The following NEK7 variants were observed in gnomAD, a reference collection of about 807,000 sequenced individuals.
NEK7 encodes the protein NIMA related kinase 7.
In NEK7, 18 loss-of-function variants were observed where a neutral mutation model predicts 44.6. That is an observed-to-expected ratio of 0.40 (90% CI 0.28 to 0.60). NEK7 has a LOEUF of 0.60. Among genes scored for constraint, NEK7 ranks in the 20% least tolerant of loss-of-function variants. The pLI is 0.38. For synonymous variants in NEK7, 130 were observed against 121.1 expected (o/e 1.07, Z -0.48); for missense variants, 256 against 366.5 (o/e 0.70, Z 2.46).
chr1:198,315,035 G>C (rs1478848290), intron 9 of NEK7, among the ~76,000 whole-genome samples: 1 of 152,212 alleles, frequency 6.6e-6, no homozygotes, highest in East Asian at 1.9e-4. Context: ...CCCCAGCCTC[G>C]CCGCCACCTT....
intron 6 of NEK7, 37 bp from the exon 7 acceptor site, chr1:198,278,917 C>A: frequency 9.1e-7 from 1 of 1,096,956 alleles, no homozygotes; most frequent in South Asian, 1.4e-5. Flanking sequence ...TCTAAAATGT[C>A]TATCATCTTT....
chr1:198,178,422 C>T (rs1306772779), intron 1 of NEK7, among the ~76,000 whole-genome samples: 1 of 151,958 alleles, frequency 6.6e-6, no homozygotes, highest in Non-Finnish European at 1.5e-5. Context: ...AAAAATTTGG[C>T]CCAAAGGATG....
chr1:198,224,964 G>C (rs1052530527), intron 1 of NEK7, among the ~76,000 whole-genome samples: 1 of 152,132 alleles, frequency 6.6e-6, no homozygotes. Context: ...ACAGTTGGAT[G>C]TAGGCGTTTA....
intron 9 of NEK7, among the ~76,000 whole-genome samples, chr1:198,316,991 A>G (rs908056924): frequency 6.6e-6 from 1 of 152,212 alleles, no homozygotes; most frequent in African/African-American, 2.4e-5. Flanking sequence ...ATGTTGCTGG[A>G]GTGGATAAGT....
intron 3 of NEK7, among the ~76,000 whole-genome samples, chr1:198,254,081 T>C (rs114569392): frequency 6.6e-6 from 1 of 152,044 alleles, no homozygotes; most frequent in African/African-American, 2.4e-5. Flanking sequence ...TTTTTTTTTT[T>C]AAACTTCTTA....
chr1:198,278,090 A>G, intron 6 of NEK7, 21 bp downstream of exon 6: 1 of 1,245,362 alleles, frequency 8.0e-7, no homozygotes, highest in Non-Finnish European at 1.2e-6. Context: ...ATCATTAAGT[A>G]CTTTTAATCT....
chr1:198,175,905 G>T (rs1664590465), intron 1 of NEK7, among the ~76,000 whole-genome samples: 1 of 152,176 alleles, frequency 6.6e-6, no homozygotes, highest in Non-Finnish European at 1.5e-5. Flanking sequence ...TTCTTTTACA[G>T]TAGAAAGTGC....
At chr1:198,316,611 A>G (rs1448303762) in intron 9 of NEK7, among the ~76,000 whole-genome samples, 1 of 152,142 alleles carries the variant, frequency 6.6e-6, no homozygotes, top group African/African-American at 2.4e-5. Context: ...TAATAGAATT[A>G]TTTCTGTGAT....
intron 7 of NEK7, among the ~76,000 whole-genome samples, chr1:198,284,798 A>G (rs1654318697): frequency 6.6e-6 from 1 of 152,170 alleles, no homozygotes; most frequent in South Asian, 2.1e-4. Context: ...AATATATACT[A>G]TTTCTAGGCA....
At chr1:198,215,359 C>T (rs2102828779) in intron 1 of NEK7, among the ~76,000 whole-genome samples, 1 of 152,282 alleles carries the variant, frequency 6.6e-6, no homozygotes, top group South Asian at 2.1e-4. Flanking sequence ...TTTAAATGCT[C>T]CACATAAAAC....
intron 1 of NEK7, among the ~76,000 whole-genome samples, chr1:198,207,726 G>A (rs1303076150): frequency 6.6e-6 from 1 of 152,114 alleles, no homozygotes; most frequent in Non-Finnish European, 1.5e-5. Flanking sequence ...TGGGCTGATG[G>A]AACTGTTCTA....
Position 198,256,637 on chromosome 1 carries a change from G to T in NEK7, c.198+3457G>T, listed in dbSNP as rs949471773. On this transcript the variant is annotated intron_variant, in intron 3 of 9. Coordinates refer to ENST00000367385, the MANE Select transcript of NEK7 (RefSeq NM_133494.3). ...TTTATTGGCCACCTAGTGTTTATTG[G>T]TCAGTGTCTAAGGCTTTAGGAAGAT... is the stretch of plus-strand genomic sequence containing the variant. 7.6e-6 allele frequency: 7 copies of T among 921,298 alleles called. No individual in the cohort carries two copies. In the African/African-American group the frequency reaches 1.0e-4, roughly 13 times the overall value. The allele number at this position is 921,298 out of a possible 1,614,324, so 57.1% of individuals were successfully genotyped here.
chr1:198,278,208 A>G, intron 6 of NEK7, 139 bp downstream of exon 6: 1 of 544,016 alleles, frequency 1.8e-6, no homozygotes, highest in Non-Finnish European at 3.2e-6. Flanking sequence ...AGAATGTTAA[A>G]CCTTTAAATA....
intron 3 of NEK7, among the ~76,000 whole-genome samples, chr1:198,259,950 A>G (rs2102942097): frequency 6.6e-6 from 1 of 152,322 alleles, no homozygotes; most frequent in Admixed American, 6.5e-5. Context: ...AGTAGCACTT[A>G]CAAGTTGCGT....
intron 9 of NEK7, 119 bp from the exon 10 acceptor site, chr1:198,319,290 ATGT>A (rs1655467488): frequency 1.6e-6 from 1 of 609,598 alleles, no homozygotes; most frequent in South Asian, 2.1e-5. Context: ...AGTACAGTGA[ATGT>A]TTAGTCAGAA....
At chr1:198,208,472 G>C (rs539408491) in intron 1 of NEK7, 13 of 152,230 alleles carry the variant, frequency 8.5e-5, no homozygotes, top group African/African-American at 2.9e-4. Flanking sequence ...GACCTCCCAA[G>C]CTCATGCAGT....
intron 1 of NEK7, among the ~76,000 whole-genome samples, chr1:198,195,954 TTC>T (rs1400189791): frequency 6.6e-6 from 1 of 152,228 alleles, no homozygotes; most frequent in Non-Finnish European, 1.5e-5. Flanking sequence ...TCTGAGATAT[TTC>T]TTTTAATAAA....
chr1:198,231,301 G>GTATATATATATATA (rs749263549), intron 1 of NEK7, among the ~76,000 whole-genome samples: 22 of 86,890 alleles, frequency 2.5e-4, no homozygotes, highest in Admixed American at 6.8e-4. Flanking sequence ...ATGTGTGTGT[G>GTATATATATATATA]TATATATATA....
rs770390888 is a variant in NEK7, at chr1:198,319,535, A to G, written c.*13A>G. On this transcript the variant is annotated 3_prime_UTR_variant, in exon 10 of 10. Transcript: ENST00000367385. ...TGCAAGCAGCTAAACATGCAAGATCATGAAGAGTGTAACCAAAGTAATTGA... is the reference window on the plus strand; with the variant it reads ...TGCAAGCAGCTAAACATGCAAGATCGTGAAGAGTGTAACCAAAGTAATTGA... The G allele has an allele frequency of 5.0e-6, 8 of 1,601,946 alleles. No homozygotes were observed. In the Middle Eastern group the frequency reaches 8.3e-4, roughly 166 times the overall value.
Sources: allele counts gnomAD v4.1 joint callset (sites outside exome capture counted in the v4.1 genomes callset), GRCh38; gene constraint gnomAD v4.1.1; transcripts MANE v1.5; gene names NCBI Gene and HGNC (gene_info 2026-07-23, HGNC 2026-07-21).